Variants in DNAH9 observed in about 807,000 individuals in gnomAD.
DNAH9 encodes the protein dynein axonemal heavy chain 9.
A neutral mutation model predicts 471.6 loss-of-function variants in DNAH9; 345 were observed. That is an observed-to-expected ratio of 0.73 (90% confidence interval 0.67 to 0.80). The LOEUF (loss-of-function observed/expected upper bound fraction) is 0.80. Among genes scored for constraint, DNAH9 ranks in the 30% least tolerant of loss-of-function variants. The probability of loss-of-function intolerance (pLI) is 0.00; values close to 1 mark genes in which losing one functional copy is unlikely to be tolerated. For synonymous variants in DNAH9, 2,093 were observed against 2,123.6 expected (o/e 0.99, Z 0.40); for missense variants, 5,407 against 5,609.2 (o/e 0.96, Z 1.15).
chr17:11,778,020 T>G (rs2150890138), intron 38 of DNAH9, among the ~76,000 whole-genome samples: 1 of 152,252 alleles, frequency 6.6e-6, no homozygotes, highest in East Asian at 1.9e-4. Flanking sequence ...GGGCAGAGGA[T>G]AGCAGGTGGG....
At chr17:11,929,662 A>G (rs770793748) in intron 62 of DNAH9, among the ~76,000 whole-genome samples, 13 of 152,238 alleles carry the variant, frequency 8.5e-5, no homozygotes, top group Non-Finnish European at 1.9e-4. Flanking sequence ...GAGTTGCACA[A>G]CATGTGAGTG....
intron 26 of DNAH9, among the ~76,000 whole-genome samples, chr17:11,712,291 T>C (rs2150790546): frequency 6.6e-6 from 1 of 150,472 alleles, no homozygotes; most frequent in South Asian, 2.1e-4. Flanking sequence ...CTGAATAATA[T>C]TCAATTTTAT....
intron 62 of DNAH9, 136 bp from the exon 63 acceptor site, chr17:11,929,730 A>T: frequency 1.4e-6 from 1 of 699,402 alleles, no homozygotes; most frequent in Non-Finnish European, 2.4e-6. Context: ...ATTTTCTGTT[A>T]CGTCTTACCA....
At position 11,747,674 on chromosome 17, in the gene DNAH9, G is replaced by A. The variant is rs372109014; in HGVS notation, c.6518G>A (p.Arg2173Gln). The part of the protein sequence containing the change: ...SLHKTYQIMK[R>Q]RPVWTDLNPK... Reference sequence around the variant, plus strand: ...CACAAGACCTATCAGATCATGAAACGGCGCCCCGTCTGGACTGACCTCAAT... The same window carrying A: ...CACAAGACCTATCAGATCATGAAACAGCGCCCCGTCTGGACTGACCTCAAT... The change falls in exon 32 of 69, where the codon CGG (arginine) becomes CAG (glutamine). Residue 2173 changes from arginine (R) to glutamine (Q), a missense_variant. Around this residue, in one of 3 missense-constraint regions of DNAH9, gnomAD observed 4,636 missense variants for 4,900.3 expected, o/e 0.95. Coordinates refer to ENST00000262442, the MANE Select transcript of DNAH9 (RefSeq NM_001372.4). 144 of 1,613,986 alleles carry A rather than the reference G, an allele frequency of 8.9e-5. No homozygotes were observed. Among genetic ancestry groups the A allele is most frequent in the Non-Finnish European group, 1.2e-4 (138 of 1,180,020 alleles).
At position 11,690,281 on chromosome 17, in the gene DNAH9, T is replaced by TG; in HGVS notation, c.4459_4460insG (p.Tyr1487Ter). The TG allele has an allele frequency of 1.2e-6, 2 of 1,614,198 alleles. No homozygotes were observed. The highest frequency in any genetic ancestry group is 3.3e-5 in the Admixed American group (2 of 60,026). ...ACTTCAGAACCTGGTGATGTCCAAG[T>TG]ATGTTGCTTTCTTCTTGGAGGAGGT... ...VQLQNLVMSK[Y>*]VAFFLEEVSG... The change falls in exon 20 of 69, where the codon TAT becomes TGAT. Residue 1487 changes from tyrosine (Y) to a stop codon, truncating the protein, a stop_gained and frameshift_variant. Coordinates refer to ENST00000262442, the MANE Select transcript of DNAH9 (RefSeq NM_001372.4). LOFTEE classifies it high-confidence loss of function.
chr17:11,907,587 T>C (rs1264686456), intron 61 of DNAH9, among the ~76,000 whole-genome samples: 1 of 152,154 alleles, frequency 6.6e-6, no homozygotes, highest in East Asian at 1.9e-4. Flanking sequence ...TGTCCTTTGC[T>C]GAGAGAAGGG....
chr17:11,937,019 A>G lies in DNAH9; in HGVS notation c.12490-333A>G, dbSNP rs1224214591. On this transcript the variant is annotated intron_variant, in intron 65 of 68. Transcript: ENST00000262442. The surrounding 1 kb of genome is among the most constrained non-coding windows in gnomAD (Gnocchi z 4.1). ...GGATTCGTATTTTTGAAAGACTATG[A>G]GAAGTCCTCCTCTGGTCTGCAGGAA... Among the ~76,000 whole-genome samples the G allele has an allele frequency of 6.6e-6, 1 of 152,200 alleles. No homozygotes were observed. The highest frequency in any genetic ancestry group is 1.5e-5 in the Non-Finnish European group (1 of 68,044).
At chr17:11,878,398 G>C (rs566523980) in intron 53 of DNAH9, among the ~76,000 whole-genome samples, 1 of 152,088 alleles carries the variant, frequency 6.6e-6, no homozygotes, top group Admixed American at 6.6e-5. Context: ...ATTTACTTTT[G>C]TGAGGTTTTA....
chr17:11,918,228 TTGTTTTGTTTTGTTTTG>T (rs1325183306), intron 61 of DNAH9, among the ~76,000 whole-genome samples: 67 of 143,494 alleles, frequency 4.7e-4, no homozygotes, highest in African/African-American at 1.7e-3. Flanking sequence ...TTGTTTTGTT[TTGTTTTGTTTTGTTTTG>T]TTTTGAGACA....
intron 55 of DNAH9, among the ~76,000 whole-genome samples, chr17:11,882,627 C>T (rs566117405): frequency 1.3e-5 from 2 of 151,312 alleles, no homozygotes; most frequent in South Asian, 4.2e-4. Context: ...CATGTCCCAG[C>T]CTTCATGGAA....
chr17:11,924,511 G>A (rs910870168), intron 62 of DNAH9, among the ~76,000 whole-genome samples: 45 of 150,426 alleles, frequency 3.0e-4, no homozygotes, highest in Admixed American at 1.0e-3. Context: ...TTAAATTAAA[G>A]AATTTAGCCC....
chr17:11,962,757 G>A lies in DNAH9; in HGVS notation c.13233+501G>A, dbSNP rs951725474. On this transcript the variant is annotated intron_variant, in intron 68 of 68. Transcript: ENST00000262442. The surrounding 1 kb of genome is among the most constrained non-coding windows in gnomAD (Gnocchi z 4.1). ...TAGCTCACTGCAACCTCCGCCTCCC[G>A]AGTTCAAGCAATTCTCCTGCCTCAC... 2.0e-5 allele frequency among the ~76,000 whole-genome samples: 3 copies of A among 152,136 alleles called. No individual in the cohort carries two copies. The highest frequency in any genetic ancestry group is 4.8e-5 in the African/African-American group (2 of 41,520).
intron 1 of DNAH9, among the ~76,000 whole-genome samples, chr17:11,602,291 A>G (rs1484627788): frequency 6.6e-6 from 1 of 151,536 alleles, no homozygotes; most frequent in South Asian, 2.1e-4. Flanking sequence ...AACACCTGGA[A>G]TAGAGTGTCA....
intron 61 of DNAH9, among the ~76,000 whole-genome samples, chr17:11,913,740 C>T (rs1973858744): frequency 6.6e-6 from 1 of 151,268 alleles, no homozygotes; most frequent in African/African-American, 2.4e-5. Flanking sequence ...CGAGATTGCA[C>T]CACTGCACTC....
chr17:11,709,972 GCTCT>G (rs902637582), intron 26 of DNAH9, among the ~76,000 whole-genome samples: 41 of 152,128 alleles, frequency 2.7e-4, no homozygotes, highest in African/African-American at 8.9e-4. Context: ...AAAGTCGTAT[GCTCT>G]CTCTTTAAGT....
In DNAH9 at chr17:11,669,712, C is replaced by A. The variant is rs1250881864; in HGVS notation, c.3271C>A (p.Pro1091Thr). The A allele has an allele frequency of 3.1e-6, 5 of 1,614,074 alleles. No homozygotes were observed. Among genetic ancestry groups the A allele is most frequent in the Non-Finnish European group, 4.2e-6 (5 of 1,179,970 alleles). Residue 1091 changes from proline (P) to threonine (T), a missense_variant, in exon 17 of 69, where the codon CCC becomes ACC. Around this residue, in one of 3 missense-constraint regions of DNAH9, gnomAD observed 4,636 missense variants for 4,900.3 expected, o/e 0.95. Transcript: ENST00000262442. ...FDGWMKIDIR[P>T]FKASLLNIIK... is the part of the protein sequence containing the mutation. ...CGGCTGGATGAAAATTGATATTCGA[C>A]CCTTTAAGGCATCTCTGCTGAATAT...
At chr17:11,869,653 A>G (rs760777979) in intron 51 of DNAH9, among the ~76,000 whole-genome samples, 2 of 152,220 alleles carry the variant, frequency 1.3e-5, no homozygotes, top group Non-Finnish European at 2.9e-5. Flanking sequence ...TAGAAACAGA[A>G]AAGAATGAGA....
Position 11,717,621 on chromosome 17 carries a change from A to G in DNAH9, c.5553-1713A>G, listed in dbSNP as rs140256684. On this transcript the variant is annotated intron_variant, in intron 26 of 68. Transcript: ENST00000262442. The stretch of plus-strand genomic sequence containing the variant: ...AAAGTTAGAACAGTGGCACAATTGT[A>G]TCAGCTTTATTGAGGTATTGAGGCA... Among the ~76,000 whole-genome samples the G allele has an allele frequency of 3.1e-3, 470 of 152,324 alleles. 2 individuals are homozygous for G. Among genetic ancestry groups the G allele is most frequent in the African/African-American group, 0.011 (437 of 41,566 alleles).
At position 11,712,118 on chromosome 17, in the gene DNAH9, A is replaced by G. The variant is rs572445793; in HGVS notation, c.5552+6933A>G. The stretch of plus-strand genomic sequence containing the variant: ...TATTTATATATAAATATATATATTT[A>G]TATATAAATTTTAATTTATATAAAT... On this transcript the variant is annotated intron_variant, in intron 26 of 68. Transcript: ENST00000262442. Among the ~76,000 whole-genome samples the G allele has an allele frequency of 3.2e-5, 4 of 123,686 alleles. No homozygotes were observed. In the East Asian group the frequency reaches 6.3e-4, roughly 19 times the overall value. 81.1% of individuals were successfully genotyped at this position (123,686 alleles called of 152,430 possible).
Sources: allele counts gnomAD v4.1 joint callset (sites outside exome capture counted in the v4.1 genomes callset), GRCh38; gene constraint gnomAD v4.1.1; regional missense constraint gnomAD v4.1.1; non-coding constraint Gnocchi (gnomAD v3.1); transcripts MANE v1.5; gene names NCBI Gene and HGNC (gene_info 2026-07-23, HGNC 2026-07-21).